The following OCA2 variants were observed in gnomAD, a reference collection of about 807,000 sequenced individuals.
OCA2 encodes OCA2 melanosomal transmembrane protein.
A neutral mutation model predicts 100.2 loss-of-function variants in OCA2; 77 were observed. The ratio of observed to expected loss-of-function variants is 0.77; its 90% CI spans 0.64 to 0.93. OCA2 has a LOEUF of 0.93. OCA2 is among the 40% of genes least tolerant of loss of function. The probability of loss-of-function intolerance (pLI) is 0.00; values close to 1 mark genes in which losing one functional copy is unlikely to be tolerated. For synonymous variants in OCA2, 432 were observed against 439.2 expected (o/e 0.98, Z 0.21); for missense variants, 1,062 against 1,089.1 (o/e 0.98, Z 0.35).
intron 9 of OCA2, among the ~76,000 whole-genome samples, chr15:27,992,140 G>C (rs2041577173): frequency 6.7e-6 from 1 of 150,284 alleles, no homozygotes; most frequent in Admixed American, 6.6e-5. Context: ...TCACTCCGTT[G>C]CCGAGGCTGG....
At chr15:27,945,899 T>C (rs2039815620) in intron 18 of OCA2, among the ~76,000 whole-genome samples, 1 of 152,226 alleles carries the variant, frequency 6.6e-6, no homozygotes, top group South Asian at 2.1e-4. Flanking sequence ...GCCTCGCTGA[T>C]TCTTTTCACA....
At chr15:27,770,252 GT>G (rs1440529824) in intron 23 of OCA2, among the ~76,000 whole-genome samples, 1 of 152,202 alleles carries the variant, frequency 6.6e-6, no homozygotes, top group Non-Finnish European at 1.5e-5. Context: ...GCTCCGCGGG[GT>G]CCGCAGGCCT....
At chr15:27,846,515 C>T (rs554847175) in intron 22 of OCA2, among the ~76,000 whole-genome samples, 1 of 152,298 alleles carries the variant, frequency 6.6e-6, no homozygotes, top group South Asian at 2.1e-4. Context: ...TAAAAGACTC[C>T]ACTTATTTTC....
intron 19 of OCA2, among the ~76,000 whole-genome samples, chr15:27,899,968 G>T (rs917352460): frequency 5.3e-5 from 8 of 152,058 alleles, no homozygotes; most frequent in African/African-American, 1.7e-4. Flanking sequence ...CAGTGGATTT[G>T]CGGGTCCTAA....
intron 9 of OCA2, among the ~76,000 whole-genome samples, chr15:28,013,729 C>T (rs984479030): frequency 6.6e-6 from 1 of 152,108 alleles, no homozygotes; most frequent in Non-Finnish European, 1.5e-5. Flanking sequence ...TTTCCACTGC[C>T]GGGCATGGCA....
chr15:27,754,790 A>G (rs1401300374), downstream of OCA2: 3 of 160,378 alleles, frequency 1.9e-5, no homozygotes, highest in Non-Finnish European at 2.8e-5. Flanking sequence ...AAATTTCTGG[A>G]CTTTTAATTA....
At chr15:27,740,786 C>T in the OCA2 span, among the ~76,000 whole-genome samples, 2 of 152,158 alleles carry the variant, frequency 1.3e-5, no homozygotes, top group Admixed American at 6.5e-5. Flanking sequence ...CAGGCTGGGT[C>T]GGCCGAGCCC....
At chr15:27,972,316 G>C (rs1414736833) in intron 14 of OCA2, among the ~76,000 whole-genome samples, 1 of 152,170 alleles carries the variant, frequency 6.6e-6, no homozygotes, top group Non-Finnish European at 1.5e-5. Context: ...ACATAAGTGT[G>C]CCGGTGTCTT....
intron 18 of OCA2, among the ~76,000 whole-genome samples, chr15:27,936,460 G>A (rs770945444): frequency 3.9e-5 from 6 of 152,200 alleles, no homozygotes; most frequent in African/African-American, 7.2e-5. Flanking sequence ...ATTCTTTCTA[G>A]TTTCCCTTTA....
intron 2 of OCA2, among the ~76,000 whole-genome samples, chr15:28,034,212 A>G (rs2141400010): frequency 6.6e-6 from 1 of 152,300 alleles, no homozygotes; most frequent in South Asian, 2.1e-4. Flanking sequence ...GAATCACTTG[A>G]GGCCAGGAGG....
At chr15:28,084,266 G>T (rs2044734688) in intron 1 of OCA2, among the ~76,000 whole-genome samples, 1 of 152,184 alleles carries the variant, frequency 6.6e-6, no homozygotes, top group South Asian at 2.1e-4. Flanking sequence ...TATGTTTGTG[G>T]CATAAGTCAT....
intron 2 of OCA2, among the ~76,000 whole-genome samples, chr15:28,072,214 A>G (rs1181986572): frequency 3.3e-5 from 5 of 151,576 alleles, no homozygotes; most frequent in Non-Finnish European, 7.4e-5. Context: ...AAAAATACAA[A>G]AAAATTAGCT....
At chr15:27,903,028 C>T (rs945034115) in intron 19 of OCA2, among the ~76,000 whole-genome samples, 5 of 152,198 alleles carry the variant, frequency 3.3e-5, no homozygotes, top group African/African-American at 7.2e-5. Context: ...GAGGGGCAGT[C>T]ACCCCGCAAG....
At chr15:27,989,498 C>T (rs935370014) in intron 11 of OCA2, 103 bp downstream of exon 11, 19 of 895,458 alleles carry the variant, frequency 2.1e-5, no homozygotes, top group South Asian at 4.1e-5. Context: ...AAGCCCTAGG[C>T]GCTGTGTCTT....
downstream of OCA2, among the ~76,000 whole-genome samples, chr15:27,752,312 C>CA (rs1436863382): frequency 1.3e-5 from 2 of 152,182 alleles, no homozygotes; most frequent in African/African-American, 4.8e-5. Flanking sequence ...ACATTTATAG[C>CA]AAAGGCACAG....
chr15:27,800,040 T>C (rs1037355068), intron 23 of OCA2, among the ~76,000 whole-genome samples: 1 of 152,192 alleles, frequency 6.6e-6, no homozygotes, highest in African/African-American at 2.4e-5. Context: ...TAGATATTAA[T>C]AGCAGAAAAA....
intron 3 of OCA2, among the ~76,000 whole-genome samples, chr15:28,028,739 G>A (rs1265464992): frequency 6.6e-6 from 1 of 152,146 alleles, no homozygotes; most frequent in East Asian, 1.9e-4. Flanking sequence ...AGGCTGGAGT[G>A]CAGTGGCGCA....
rs528310072 is a variant in OCA2, at chr15:27,798,447, A to G, written c.2433-42975T>C. 2.0e-5 allele frequency among the ~76,000 whole-genome samples: 3 copies of G among 152,304 alleles called. No individual in the cohort carries two copies. In the East Asian group the frequency reaches 5.8e-4, roughly 29 times the overall value. On this transcript the variant is annotated intron_variant, in intron 23 of 23. Transcript: ENST00000354638. ...TTTAACATTTTTTGTATAATGACTT[A>G]TAATTGTTTATATATGAAAAAGTCT...
chr15:27,938,997 T>C (rs1476345636), intron 18 of OCA2, among the ~76,000 whole-genome samples: 1 of 152,174 alleles, frequency 6.6e-6, no homozygotes, highest in Non-Finnish European at 1.5e-5. Context: ...GTCTCTCAGC[T>C]AAATCCATAC....
Sources: gnomAD v4.1 joint callset for allele counts (sites outside exome capture counted in the v4.1 genomes callset) on GRCh38, gnomAD v4.1.1 for gene constraint, MANE v1.5 for transcripts, NCBI Gene and HGNC (gene_info 2026-07-23, HGNC 2026-07-21) for gene names.